The following RPS6KB2 variants were observed in gnomAD, a reference collection of about 807,000 sequenced individuals.
RPS6KB2 encodes the protein ribosomal protein S6 kinase B2.
A neutral mutation model predicts 58.2 loss-of-function variants in RPS6KB2; 51 were observed. The ratio of observed to expected loss-of-function variants is 0.88; its 90% confidence interval spans 0.70 to 1.11. The LOEUF (loss-of-function observed/expected upper bound fraction) is 1.11, where lower values mean the gene tolerates loss of function less well. RPS6KB2 is among the 50% of genes least tolerant of loss of function. The pLI, the probability that RPS6KB2 is intolerant of heterozygous loss-of-function variation, is 0.00. For missense variants in RPS6KB2, 671 were observed against 655.8 expected, an observed-to-expected ratio of 1.02 and a Z score of -0.25; for synonymous variants, 293 against 258.6, an observed-to-expected ratio of 1.13 and a Z score of -1.28.
At chr11:67,429,391 A>T (rs1052759402) in intron 3 of RPS6KB2, 136 bp from the exon 4 acceptor site, 10 of 1,366,968 alleles carry the variant, frequency 7.3e-6, no homozygotes, top group Non-Finnish European at 1.0e-5. Context: ...ATCCTCTCCA[A>T]TCGGACTTGA....
At position 67,435,347 on chromosome 11, in the gene RPS6KB2, C is replaced by T; in HGVS notation, c.*178C>T. The T allele has an allele frequency of 1.5e-6, 1 of 650,316 alleles. No individual in the cohort carries two copies. Among genetic ancestry groups the T allele is most frequent in the Non-Finnish European group, 2.6e-6 (1 of 387,780 alleles). The allele number at this position is 650,316 out of a possible 1,614,324, so 40.3% of individuals were successfully genotyped here. On this transcript the variant is annotated 3_prime_UTR_variant, in exon 15 of 15. Transcript: ENST00000312629. Reference sequence around the variant, plus strand: ...CCTGAATCATGGGCACGGAGGGCCGCCCGCCACGCCCCGCGCTCAACTGCT... The same window carrying T: ...CCTGAATCATGGGCACGGAGGGCCGTCCGCCACGCCCCGCGCTCAACTGCT...
intron 4 of RPS6KB2, chr11:67,430,307 G>C (rs1342362932): frequency 6.6e-6 from 1 of 150,600 alleles, no homozygotes; most frequent in East Asian, 2.0e-4. Flanking sequence ...TACTTATTTT[G>C]AGACGGAGTC....
intron 1 of RPS6KB2, 86 bp downstream of exon 1, chr11:67,428,709 A>C (rs1242319061): frequency 1.5e-6 from 2 of 1,328,210 alleles, no homozygotes; most frequent in Non-Finnish European, 2.1e-6. Flanking sequence ...GCACGCCCAG[A>C]GCGGGCTCCG....
intron 1 of RPS6KB2, 161 bp from the exon 2 acceptor site, chr11:67,428,821 A>G: frequency 1.0e-6 from 1 of 986,742 alleles, no homozygotes; most frequent in Non-Finnish European, 1.6e-6. Flanking sequence ...TTTTCTCCCG[A>G]TTCTCCCTTT....
At position 67,435,262 on chromosome 11, in the gene RPS6KB2, G is replaced by T. The variant is rs1864232139; in HGVS notation, c.*93G>T. The stretch of plus-strand genomic sequence containing the variant: ...GGGCCAGTTCCAGAGACCTGGGGGT[G>T]TGTCTGGGGGTGGGGTGTGAGTGCG... On this transcript the variant is annotated 3_prime_UTR_variant, in exon 15 of 15. Transcript: ENST00000312629. 1 of 1,141,928 alleles carries T rather than the reference G, an allele frequency of 8.8e-7. No homozygotes were observed. The highest frequency in any genetic ancestry group is 1.6e-5 in the African/African-American group (1 of 64,130). The allele number at this position is 1,141,928 out of a possible 1,614,324, so 70.7% of individuals were successfully genotyped here.
chr11:67,432,179 C>T (rs933219784), intron 5 of RPS6KB2: 8 of 395,410 alleles, frequency 2.0e-5, no homozygotes, highest in Admixed American at 6.0e-5. Flanking sequence ...GCATTCGCTC[C>T]GTCCATCTCA....
Position 67,428,987 on chromosome 11 carries a change from A to G in RPS6KB2, c.84A>G (p.Ala28=), listed in dbSNP as rs2135113546. The G allele has an allele frequency of 6.2e-7, 1 of 1,613,520 alleles. No homozygotes were observed. The highest frequency in any genetic ancestry group is 2.2e-5 in the East Asian group (1 of 44,852). Residue 28 remains alanine (A), a synonymous_variant, in exon 2 of 15, where the codon GCA becomes GCG. Transcript: ENST00000312629. ...TACCCCTCGGTTTCTCACAGGACGC[A>G]TGTCCCCTTGCCGAGTTGAGGGCAG... ...EGEPELSPAD[A]CPLAELRAAG...
In RPS6KB2 at chr11:67,434,046, G is replaced by A; in HGVS notation, c.958G>A (p.Ala320Thr). 1 of 1,614,150 alleles carries A rather than the reference G, an allele frequency of 6.2e-7. No homozygotes were observed. ...GATTGGGGGTGGCCCAGGGGATGCT[G>A]CTGATGTGCAGGTGGGTTTGGGACC... is the stretch of plus-strand genomic sequence containing the variant. ...QRIGGGPGDA[A>T]DVQRHPFFRH... The change falls in exon 11 of 15, where the codon GCT becomes ACT. Residue 320 changes from alanine (A) to threonine (T), a missense_variant. Physicochemically the swap from Ala to Thr is moderately conservative, Grantham distance 58 (BLOSUM62 0). Transcript: ENST00000312629.
At position 67,434,990 on chromosome 11, in the gene RPS6KB2, C is replaced by T. The variant is rs780981071; in HGVS notation, c.1270C>T (p.Pro424Ser). The change falls in exon 15 of 15, where the codon CCC becomes TCC. Residue 424 changes from proline to serine, a missense_variant and splice_region_variant. By Grantham distance (74) the Pro-to-Ser change is moderately conservative. Transcript: ENST00000312629. ...ATTCTGCCTTGGTTTCCCCTGCAGC[C>T]CCCTCAAGTTCTCCCCTTTTGAGGG... ...LNSSPRAPVSPLKFSPFEGFR... is the reference protein window; with the variant it reads ...LNSSPRAPVSSLKFSPFEGFR... 3 of 1,613,378 alleles carry T rather than the reference C, an allele frequency of 1.9e-6. No homozygotes were observed. The highest frequency in any genetic ancestry group is 2.5e-6 in the Non-Finnish European group (3 of 1,179,712).
chr11:67,428,796 TC>T (rs1476195722), intron 1 of RPS6KB2, 173 bp downstream of exon 1: 10 of 920,028 alleles, frequency 1.1e-5, no homozygotes, highest in Non-Finnish European at 1.7e-5. Context: ...CGACCTCTCT[TC>T]CAGAACCCCA....
At chr11:67,432,551 C>A (rs1352756126) in intron 5 of RPS6KB2, 49 bp from the exon 6 acceptor site, 2 of 1,604,746 alleles carry the variant, frequency 1.2e-6, no homozygotes, top group Non-Finnish European at 1.7e-6. Context: ...TCAGAAAGCA[C>A]AAAGGGGCTT....
chr11:67,434,190 A>G lies in RPS6KB2; in HGVS notation c.970-8A>G. The G allele has an allele frequency of 1.2e-6, 2 of 1,613,914 alleles. No individual in the cohort carries two copies. The highest frequency in any genetic ancestry group is 1.7e-6 in the Non-Finnish European group (2 of 1,179,938). On this transcript the variant is annotated splice_polypyrimidine_tract_variant and splice_region_variant and intron_variant, in intron 11 of 14. Transcript: ENST00000312629. ...TGTTAGTGGGTTTGGTGCATTCTCT[A>G]CCTACAGAGACATCCCTTTTTCCGG...
rs529774605 is a variant in RPS6KB2, at chr11:67,435,078, C to A, written c.1358C>A (p.Pro453Gln). 5.6e-6 allele frequency: 9 copies of A among 1,611,154 alleles called. No homozygotes were observed. In the East Asian group the frequency reaches 6.7e-5, roughly 12 times the overall value. ...CTACCTCTACCTCCACTCCTGCCAC[C>A]GCCGCCGCCCTCGACCACCGCCCCT... The part of the protein sequence containing the change: ...TELPLPPLLP[P>Q]PPPSTTAPLP... The change falls in exon 15 of 15, where the codon CCG becomes CAG. Residue 453 changes from proline to glutamine, a missense_variant. Physicochemically the swap from Pro to Gln is moderately conservative, Grantham distance 76. Coordinates refer to ENST00000312629, the MANE Select transcript of RPS6KB2 (RefSeq NM_003952.3).
intron 5 of RPS6KB2, chr11:67,431,764 G>C: frequency 2.1e-6 from 1 of 474,128 alleles, no homozygotes; most frequent in East Asian, 3.8e-5. Flanking sequence ...GTGCGAATTT[G>C]GATAGAAGTC....
Position 67,434,233 on chromosome 11 carries a change from CCTT to C in RPS6KB2, c.1008_1010del (p.Leu337del), listed in dbSNP as rs771152949. On this transcript the variant is annotated inframe_deletion, in exon 12 of 15. Coordinates refer to ENST00000312629, the MANE Select transcript of RPS6KB2 (RefSeq NM_003952.3). ...TTTTCCGGCACATGAATTGGGACGACCTTCTGGCCTGGCGTGTGGACCCCCCTT... is the reference window on the plus strand; with the variant it reads ...TTTTCCGGCACATGAATTGGGACGACCTGGCCTGGCGTGTGGACCCCCCTT... 3.7e-6 allele frequency: 6 copies of C among 1,613,836 alleles called. No individual in the cohort carries two copies. Among genetic ancestry groups the C allele is most frequent in the African/African-American group, 1.3e-5 (1 of 74,934 alleles).
intron 5 of RPS6KB2, chr11:67,432,053 G>A: frequency 3.0e-6 from 1 of 330,320 alleles, no homozygotes; most frequent in East Asian, 8.1e-5. Flanking sequence ...GCGGCTGGCT[G>A]CCCACATCAA....
chr11:67,429,281 A>T (rs571558437), intron 3 of RPS6KB2, 41 bp downstream of exon 3: 5 of 1,608,014 alleles, frequency 3.1e-6, no homozygotes, highest in Non-Finnish European at 4.2e-6. Context: ...CACAGCCTCC[A>T]TCTGGAGGCA....
In RPS6KB2 at chr11:67,435,147, G is replaced by A. The variant is rs1590980879; in HGVS notation, c.1427G>A (p.Gly476Asp). The part of the protein sequence containing the change: ...PPSGTKKSKR[G>D]RGRPGR ...TCAGGGACCAAGAAGTCCAAGAGGG[G>A]CCGTGGGCGTCCAGGGCGCTAGGAA... Residue 476 changes from glycine (G) to aspartate (D), a missense_variant, in exon 15 of 15, where the codon GGC becomes GAC. Coordinates refer to ENST00000312629, the MANE Select transcript of RPS6KB2 (RefSeq NM_003952.3). The A allele has an allele frequency of 1.3e-5, 21 of 1,591,498 alleles. No individual in the cohort carries two copies. The highest frequency in any genetic ancestry group is 2.3e-5 in the East Asian group (1 of 44,036).
chr11:67,431,455 G>A lies in RPS6KB2; in HGVS notation c.397G>A (p.Glu133Lys), dbSNP rs753881672. The change falls in exon 5 of 15, where the codon GAA becomes AAA. Residue 133 changes from glutamate (E) to lysine (K), a missense_variant. By Grantham distance (56) the Glu-to-Lys change is moderately conservative. Coordinates refer to ENST00000312629, the MANE Select transcript of RPS6KB2 (RefSeq NM_003952.3). ...LESVKHPFIV[E>K]LAYAFQTGGK... Reference sequence around the variant, plus strand: ...GTCAGTGAAGCACCCCTTTATTGTGGAACTGGCCTATGCCTTCCAGACTGG... The same window carrying A: ...GTCAGTGAAGCACCCCTTTATTGTGAAACTGGCCTATGCCTTCCAGACTGG... 14 of 1,614,098 alleles carry A rather than the reference G, an allele frequency of 8.7e-6. No individual in the cohort carries two copies. Among genetic ancestry groups the A allele is most frequent in the Middle Eastern group, 3.3e-4 (2 of 6,062 alleles).
Sources: allele counts gnomAD v4.1 joint callset, GRCh38; gene constraint gnomAD v4.1.1; transcripts MANE v1.5; gene names NCBI Gene and HGNC (gene_info 2026-07-23, HGNC 2026-07-21).